NGLY1: variants seen among roughly 807,000 people sequenced by gnomAD.
NGLY1 encodes the protein N-glycanase 1.
Under a neutral mutation model 84.6 loss-of-function variants are expected in NGLY1, and 68 were observed. That is an observed-to-expected ratio of 0.80 (90% CI 0.66 to 0.98). NGLY1 has a LOEUF of 0.98. NGLY1 is among the 50% of genes least tolerant of loss of function. NGLY1 has a pLI of 0.00. For missense variants in NGLY1, 779 were observed against 770.2 expected, an observed-to-expected ratio of 1.01 and a Z score of -0.14; for synonymous variants, 280 against 275.2, an observed-to-expected ratio of 1.02 and a Z score of -0.17.
chr3:25,788,045 A>G (rs555444330), upstream of NGLY1, among the ~76,000 whole-genome samples: 2 of 152,358 alleles, frequency 1.3e-5, no homozygotes, highest in East Asian at 3.9e-4. Context: ...TAATTCCACT[A>G]TAGCACCTGT....
At chr3:25,737,544 ATTTTT>A in intron 5 of NGLY1, 89 bp from the exon 6 acceptor site, 2 of 974,152 alleles carry the variant, frequency 2.1e-6, no homozygotes, top group Non-Finnish European at 1.4e-6. Flanking sequence ...GAAATGTTTA[ATTTTT>A]TTTTTTTTTT....
intron 2 of NGLY1, 24 bp from the exon 3 acceptor site, chr3:25,764,335 A>T (rs1707457512): frequency 6.2e-7 from 1 of 1,602,062 alleles, no homozygotes; most frequent in Non-Finnish European, 8.5e-7. Flanking sequence ...AATTAAAAAA[A>T]ATGTGAACCT....
Position 25,764,176 on chromosome 3 carries a change from G to A in NGLY1, c.382C>T (p.Pro128Ser), listed in dbSNP as rs200974129. 6.2e-7 allele frequency: 1 copy of A among 1,614,168 alleles called. No homozygotes were observed. Among genetic ancestry groups the A allele is most frequent in the East Asian group, 2.2e-5 (1 of 44,886 alleles). The change falls in exon 3 of 12, where the codon CCT becomes TCT. Residue 128 changes from proline to serine, a missense_variant. Physicochemically the swap from Pro to Ser is moderately conservative, Grantham distance 74. Coordinates refer to ENST00000280700, the MANE Select transcript of NGLY1 (RefSeq NM_018297.4). ...KSHKVKSSQQ[P>S]AASTQLPTTP... ...GTAGGAAGCTGGGTACTGGCTGCAG[G>A]TTGCTGAGATGACTTTACTTTGTGG...
At chr3:25,723,803 G>A (rs1705125745) in intron 10 of NGLY1, among the ~76,000 whole-genome samples, 1 of 152,126 alleles carries the variant, frequency 6.6e-6, no homozygotes, top group Non-Finnish European at 1.5e-5. Context: ...TTTGTAATGT[G>A]TAGGTCTCTA....
chr3:25,777,510 T>C lies in NGLY1; in HGVS notation c.246+1064A>G, dbSNP rs73820583. ...ATGTGTCCTGGTCTCTGCCTCCCTA[T>C]GCAGCTTATTTCTGTTTCACGGTTA... On this transcript the variant is annotated intron_variant, in intron 2 of 11. Transcript: ENST00000280700. Among the ~76,000 whole-genome samples, 1,192 of 152,220 alleles carry C rather than the reference T, an allele frequency of 7.8e-3. 12 individuals carry two copies. The highest frequency in any genetic ancestry group is 0.028 in the African/African-American group (1,143 of 41,544).
chr3:25,761,331 C>T (rs1707314305), intron 3 of NGLY1, among the ~76,000 whole-genome samples: 2 of 151,972 alleles, frequency 1.3e-5, no homozygotes, highest in South Asian at 2.1e-4. Flanking sequence ...TTCTGAGGTA[C>T]CATGTCATTG....
chr3:25,734,175 CGTAT>C, intron 7 of NGLY1, 193 bp from the exon 8 acceptor site: 13 of 578,938 alleles, frequency 2.2e-5, no homozygotes, highest in Non-Finnish European at 2.8e-5. Flanking sequence ...AAGAGATTCT[CGTAT>C]CTCAGCCTCC....
At chr3:25,779,082 T>G (rs938215570) in intron 1 of NGLY1, among the ~76,000 whole-genome samples, 17 of 151,638 alleles carry the variant, frequency 1.1e-4, no homozygotes, top group African/African-American at 3.9e-4. Flanking sequence ...ATTACAGGGG[T>G]GCACCACCAC....
At chr3:25,738,625 ATT>A (rs113109456) in intron 5 of NGLY1, among the ~76,000 whole-genome samples, 3 of 146,200 alleles carry the variant, frequency 2.1e-5, no homozygotes, top group Admixed American at 6.9e-5. Context: ...AGGTAATTAA[ATT>A]TTTTTTTTTT....
At chr3:25,789,788 C>G (rs1708682077) in intron 1 of NGLY1, 1 of 1,474,174 alleles carries the variant, frequency 6.8e-7, no homozygotes, top group African/African-American at 1.4e-5. Flanking sequence ...GGTGTCCCTT[C>G]TCCGACAAAA....
At chr3:25,761,134 A>G (rs1306755700) in intron 3 of NGLY1, among the ~76,000 whole-genome samples, 1 of 152,182 alleles carries the variant, frequency 6.6e-6, no homozygotes, top group Non-Finnish European at 1.5e-5. Context: ...CTAGAGTGAT[A>G]AAGAGTTGAT....
intron 2 of NGLY1, chr3:25,777,639 T>C (rs1034428217): frequency 1.3e-5 from 2 of 152,184 alleles, no homozygotes; most frequent in African/African-American, 4.8e-5. Context: ...TCAAATGTCA[T>C]CTCCTCAGAG....
At chr3:25,771,440 T>C (rs781157439) in intron 2 of NGLY1, among the ~76,000 whole-genome samples, 5 of 152,244 alleles carry the variant, frequency 3.3e-5, no homozygotes, top group Admixed American at 6.5e-5. Context: ...TTGTTGACTA[T>C]AGTCTTGTAG....
At chr3:25,767,164 C>T (rs955754511) in intron 2 of NGLY1, among the ~76,000 whole-genome samples, 55 of 151,856 alleles carry the variant, frequency 3.6e-4, no homozygotes, top group African/African-American at 1.2e-3. Context: ...CAGTGGCAGG[C>T]AACTATAATC....
chr3:25,761,951 G>A (rs866792688), intron 3 of NGLY1, among the ~76,000 whole-genome samples: 1 of 152,096 alleles, frequency 6.6e-6, no homozygotes, highest in Non-Finnish European at 1.5e-5. Context: ...AGAAACAAAA[G>A]ATTACATACT....
intron 7 of NGLY1, 106 bp downstream of exon 7, chr3:25,735,898 A>T: frequency 1.0e-6 from 1 of 975,926 alleles, no homozygotes; most frequent in Non-Finnish European, 1.5e-6. Flanking sequence ...TGTACAATTT[A>T]AATATATGCA....
chr3:25,754,688 T>C lies in NGLY1; in HGVS notation c.493-3425A>G, dbSNP rs547763355. On this transcript the variant is annotated intron_variant, in intron 3 of 11. Transcript: ENST00000280700. ...GGAAAAAAAAAAAAGCAAATGGATA[T>C]GAAAAGAACTTAGGAAATAAAATCA... is the stretch of plus-strand genomic sequence containing the variant. 1.9e-3 allele frequency among the ~76,000 whole-genome samples: 290 copies of C among 149,220 alleles called. 1 individual carries two copies. The highest frequency in any genetic ancestry group is 3.0e-3 in the Non-Finnish European group (204 of 67,516).
intron 10 of NGLY1, among the ~76,000 whole-genome samples, chr3:25,722,372 A>G (rs1705046900): frequency 6.6e-6 from 1 of 151,976 alleles, no homozygotes; most frequent in African/African-American, 2.4e-5. Context: ...ACCATATAAA[A>G]CACATCTGCC....
chr3:25,778,109 T>C (rs184933426), intron 2 of NGLY1, among the ~76,000 whole-genome samples: 1 of 152,314 alleles, frequency 6.6e-6, no homozygotes, highest in East Asian at 1.9e-4. Flanking sequence ...AAATATTCAT[T>C]TGAAGTAAAA....
Sources: gnomAD v4.1 joint callset for allele counts (sites outside exome capture counted in the v4.1 genomes callset) on GRCh38, gnomAD v4.1.1 for gene constraint, MANE v1.5 for transcripts, NCBI Gene and HGNC (gene_info 2026-07-23, HGNC 2026-07-21) for gene names.